The following NRG3 variants were observed in gnomAD, a reference collection of about 807,000 sequenced individuals.
NRG3 encodes the protein pro-neuregulin-3, membrane-bound isoform.
A neutral mutation model predicts 66.9 loss-of-function variants in NRG3; 31 were observed. The ratio of observed to expected loss-of-function variants is 0.46; its 90% CI spans 0.35 to 0.63. The LOEUF is 0.63. Ranked by LOEUF, NRG3 falls within the 20% of genes least tolerant of loss-of-function variation. NRG3 has a pLI of 0.00. For synonymous variants in NRG3, 393 were observed against 359.4 expected (o/e 1.09, Z -1.06); for missense variants, 910 against 878.9 (o/e 1.04, Z -0.45).
chr10:82,575,616 C>CTTTAAAACGTTGTTTTAA (rs1180639042), intron 2 of NRG3, among the ~76,000 whole-genome samples: 10 of 151,648 alleles, frequency 6.6e-5, no homozygotes, highest in African/African-American at 2.4e-4. Context: ...TCCTTTGGCA[C>CTTTAAAACGTTGTTTTAA]AGTTGTTGAT....
At chr10:82,708,197 A>G (rs1269020403) in intron 2 of NRG3, among the ~76,000 whole-genome samples, 4 of 152,104 alleles carry the variant, frequency 2.6e-5, no homozygotes, top group Non-Finnish European at 5.9e-5. Context: ...ACTGTGAAGC[A>G]TATGCTATAT....
chr10:82,868,838 G>T (rs371094744), intron 4 of NRG3, among the ~76,000 whole-genome samples: 2 of 151,982 alleles, frequency 1.3e-5, no homozygotes, highest in African/African-American at 4.8e-5. Flanking sequence ...GATTACAGGC[G>T]CCTGCCACCA....
At chr10:82,506,854 C>G (rs1379301388) in intron 2 of NRG3, among the ~76,000 whole-genome samples, 1 of 152,174 alleles carries the variant, frequency 6.6e-6, no homozygotes, top group African/African-American at 2.4e-5. Context: ...TGAATGATGT[C>G]TATTCCTAAG....
chr10:82,570,716 A>C lies in NRG3; in HGVS notation c.954-167861A>C, dbSNP rs548899563. On this transcript the variant is annotated intron_variant, in intron 2 of 8. Coordinates refer to ENST00000372141, the MANE Select transcript of NRG3 (RefSeq NM_001010848.4). ...GAAATTTTGCACTAAGGAAGCAGCA[A>C]ATCTTCTCCCGGAACGTGGTTTGAT... is the stretch of plus-strand genomic sequence containing the variant. Among the ~76,000 whole-genome samples the C allele has an allele frequency of 2.6e-5, 4 of 151,772 alleles. No homozygotes were observed. The East Asian group carries it at 7.8e-4, about 29-fold the overall frequency.
At chr10:82,487,511 G>A (rs1842779740) in intron 2 of NRG3, among the ~76,000 whole-genome samples, 2 of 152,088 alleles carry the variant, frequency 1.3e-5, no homozygotes, top group Admixed American at 6.5e-5. Flanking sequence ...GTGTTATAAT[G>A]AGTGCACTCC....
At chr10:82,544,924 C>T (rs553304391) in intron 2 of NRG3, among the ~76,000 whole-genome samples, 2 of 152,298 alleles carry the variant, frequency 1.3e-5, no homozygotes, top group Admixed American at 6.5e-5. Context: ...CTTCCATTTT[C>T]AGCATTACCT....
chr10:82,903,171 C>T (rs1297500433), intron 4 of NRG3, among the ~76,000 whole-genome samples: 1 of 152,156 alleles, frequency 6.6e-6, no homozygotes, highest in Non-Finnish European at 1.5e-5. Flanking sequence ...TATGTCTTCA[C>T]TGCATACCAT....
chr10:82,326,210 A>G (rs2081864935), intron 1 of NRG3, among the ~76,000 whole-genome samples: 1 of 152,172 alleles, frequency 6.6e-6, no homozygotes, highest in South Asian at 2.1e-4. Flanking sequence ...CAGTTTCTTA[A>G]AGATCAGCTC....
intron 1 of NRG3, among the ~76,000 whole-genome samples, chr10:81,971,787 G>T (rs1198122440): frequency 6.6e-6 from 1 of 152,206 alleles, no homozygotes; most frequent in African/African-American, 2.4e-5. Context: ...TGGCTAGAAT[G>T]CACAGGACAA....
At chr10:82,185,993 G>T (rs551949166) in intron 1 of NRG3, among the ~76,000 whole-genome samples, 7 of 152,198 alleles carry the variant, frequency 4.6e-5, no homozygotes, top group Admixed American at 4.6e-4. Flanking sequence ...CAACTATTGT[G>T]CATATCTCTA....
At chr10:82,821,444 T>TG (rs2061950205) in intron 3 of NRG3, among the ~76,000 whole-genome samples, 1 of 150,806 alleles carries the variant, frequency 6.6e-6, no homozygotes, top group Non-Finnish European at 1.5e-5. Flanking sequence ...TCTTTGTCAC[T>TG]GGGAAGGCAA....
chr10:82,566,183 A>G (rs1370880750), intron 2 of NRG3, among the ~76,000 whole-genome samples: 1 of 152,072 alleles, frequency 6.6e-6, no homozygotes, highest in Non-Finnish European at 1.5e-5. Flanking sequence ...AATCCCAAGA[A>G]AAGATAACAA....
intron 1 of NRG3, among the ~76,000 whole-genome samples, chr10:81,948,288 A>C (rs1014239891): frequency 6.6e-6 from 1 of 152,178 alleles, no homozygotes. Flanking sequence ...GCATAGCCTC[A>C]CCCATTATCA....
At chr10:82,502,447 C>CT (rs34887007) in intron 2 of NRG3, among the ~76,000 whole-genome samples, 1 of 152,184 alleles carries the variant, frequency 6.6e-6, no homozygotes, top group African/African-American at 2.4e-5. Flanking sequence ...AAGTACTTTC[C>CT]TTCTTCTCAT....
At chr10:81,991,234 G>T (rs543276028) in intron 1 of NRG3, among the ~76,000 whole-genome samples, 1 of 152,068 alleles carries the variant, frequency 6.6e-6, no homozygotes, top group Non-Finnish European at 1.5e-5. Flanking sequence ...TTTATCAAAT[G>T]GATGCATTAT....
At chr10:81,989,845 T>C (rs2060668693) in intron 1 of NRG3, among the ~76,000 whole-genome samples, 1 of 152,018 alleles carries the variant, frequency 6.6e-6, no homozygotes, top group South Asian at 2.1e-4. Context: ...CTGCAGAAGC[T>C]GGACTGTAGT....
At chr10:82,759,211 T>C (rs1485718670) in intron 3 of NRG3, among the ~76,000 whole-genome samples, 1 of 152,064 alleles carries the variant, frequency 6.6e-6, no homozygotes, top group Non-Finnish European at 1.5e-5. Context: ...CCTCTCTTAC[T>C]ACGCAATCTG....
chr10:82,049,820 A>G (rs61864594), intron 1 of NRG3, among the ~76,000 whole-genome samples: 6 of 151,836 alleles, frequency 4.0e-5, no homozygotes, highest in Non-Finnish European at 5.9e-5. Flanking sequence ...GCTGACATTC[A>G]TCTCGTGTGA....
At chr10:82,980,211 GAA>G (rs34517442) in intron 8 of NRG3, among the ~76,000 whole-genome samples, 12 of 146,514 alleles carry the variant, frequency 8.2e-5, no homozygotes, top group Admixed American at 1.4e-4. Context: ...TCTCAAAAAA[GAA>G]AAAAAAAAAT....
Sources: allele counts gnomAD v4.1 joint callset (sites outside exome capture counted in the v4.1 genomes callset), GRCh38; gene constraint gnomAD v4.1.1; transcripts MANE v1.5; gene names NCBI Gene and HGNC (gene_info 2026-07-23, HGNC 2026-07-21).